The following DPP6 variants were observed in gnomAD, a reference collection of about 807,000 sequenced individuals.
DPP6 encodes the protein dipeptidyl peptidase like 6, also known as A-type potassium channel modulatory protein DPP6.
DPP6 carries 69 observed loss-of-function variants against 122.6 expected under a neutral mutation model. That is an observed-to-expected ratio of 0.56 (90% CI 0.46 to 0.69). DPP6 has a LOEUF of 0.69. Among genes scored for constraint, DPP6 ranks in the 30% least tolerant of loss-of-function variants. The pLI is 0.00. For missense variants in DPP6, 928 were observed against 1,116.9 expected (o/e 0.83, Z 2.41); for synonymous variants, 418 against 433.1 (o/e 0.97, Z 0.43).
intron 1 of DPP6, among the ~76,000 whole-genome samples, chr7:154,361,588 A>G (rs1407523748): frequency 7.0e-6 from 1 of 142,882 alleles, no homozygotes; most frequent in Non-Finnish European, 1.5e-5. Flanking sequence ...AGAAATCTTG[A>G]GAATAATTGC....
chr7:153,914,459 AG>A (rs1800221681), intron 1 of DPP6, among the ~76,000 whole-genome samples: 1 of 152,174 alleles, frequency 6.6e-6, no homozygotes, highest in African/African-American at 2.4e-5. Flanking sequence ...TCTCTTCAGT[AG>A]GAGCCCTTTT....
chr7:154,226,701 T>G (rs186935364), intron 1 of DPP6, among the ~76,000 whole-genome samples: 1 of 152,290 alleles, frequency 6.6e-6, no homozygotes, highest in East Asian at 1.9e-4. Context: ...AAATCCATAA[T>G]TAATGCTGTT....
At position 154,241,421 on chromosome 7, in the gene DPP6, G is replaced by A. The variant is rs28756870; in HGVS notation, c.243+188358G>A. On this transcript the variant is annotated intron_variant, in intron 1 of 25. Coordinates refer to ENST00000377770, the MANE Select transcript of DPP6 (RefSeq NM_130797.4). The surrounding 1 kb of genome is among the most constrained non-coding windows in gnomAD (Gnocchi z 9.0). ...CAGGTCATGGTGACTCACACCTGGC[G>A]TGGAGGTGAGCACCTGTAGTCCTGG... 0.12 allele frequency among the ~76,000 whole-genome samples: 18,015 copies of A among 151,978 alleles called. 1,474 individuals are homozygous for A. Among genetic ancestry groups the A allele is most frequent in the African/African-American group, 0.23 (9,544 of 41,414 alleles).
the DPP6 span, among the ~76,000 whole-genome samples, chr7:153,749,327 C>T: frequency 2.6e-5 from 4 of 152,092 alleles, no homozygotes; most frequent in South Asian, 4.1e-4. The surrounding 1 kb of genome is among the most constrained non-coding windows in gnomAD (Gnocchi z 4.1). Flanking sequence ...CCCATGATTG[C>T]GAGGCTTTCG....
At position 154,284,580 on chromosome 7, in the gene DPP6, C is replaced by T. The variant is rs551509803; in HGVS notation, c.244-161634C>T. ...TGAAAACACTATGCCAGAGACTGGG[C>T]GCGTTGGCTTACGCCCGTAATCCCA... is the stretch of plus-strand genomic sequence containing the variant. On this transcript the variant is annotated intron_variant, in intron 1 of 25. Coordinates refer to ENST00000377770, the MANE Select transcript of DPP6 (RefSeq NM_130797.4). Among the ~76,000 whole-genome samples, 12 of 152,330 alleles carry T rather than the reference C, an allele frequency of 7.9e-5. No homozygotes were observed. In the East Asian group the frequency reaches 1.3e-3, roughly 17 times the overall value.
chr7:154,393,720 G>A (rs769983555), intron 1 of DPP6, among the ~76,000 whole-genome samples: 11 of 151,950 alleles, frequency 7.2e-5, no homozygotes, highest in Non-Finnish European at 1.3e-4. Context: ...TAATAATGTT[G>A]TATGATGATT....
chr7:153,866,698 G>A, the DPP6 span, among the ~76,000 whole-genome samples: 1 of 152,106 alleles, frequency 6.6e-6, no homozygotes, highest in Non-Finnish European at 1.5e-5. Context: ...CATTGCTTTT[G>A]GTGTTTTAGA....
chr7:154,018,377 G>A (rs1798532796), intron 1 of DPP6, among the ~76,000 whole-genome samples: 1 of 152,120 alleles, frequency 6.6e-6, no homozygotes, highest in Admixed American at 6.5e-5. Context: ...GGGGATGAGA[G>A]TGGACACCGG....
rs534338789 is a variant in DPP6 at position 154,090,916 on chromosome 7, C to T, written c.243+37853C>T. Among the ~76,000 whole-genome samples the T allele has an allele frequency of 7.6e-4, 113 of 148,782 alleles. 1 individual carries two copies. Among genetic ancestry groups the T allele is most frequent in the South Asian group, 2.2e-3 (10 of 4,534 alleles). On this transcript the variant is annotated intron_variant, in intron 1 of 25. Coordinates refer to ENST00000377770, the MANE Select transcript of DPP6 (RefSeq NM_130797.4). ...CGGGCGGATCACAAAGTCAGGAGATCGAGACCATCCTGGCTAACACAGTGA... is the reference window on the plus strand; with the variant it reads ...CGGGCGGATCACAAAGTCAGGAGATTGAGACCATCCTGGCTAACACAGTGA...
intron 1 of DPP6, among the ~76,000 whole-genome samples, chr7:154,081,890 GA>G (rs1158973976): frequency 6.6e-6 from 1 of 152,168 alleles, no homozygotes; most frequent in Non-Finnish European, 1.5e-5. Context: ...GTATGTGACG[GA>G]AAATGGATGT....
intron 7 of DPP6, among the ~76,000 whole-genome samples, chr7:154,679,764 A>T (rs1839170798): frequency 1.3e-5 from 2 of 152,288 alleles, no homozygotes; most frequent in South Asian, 2.1e-4. Flanking sequence ...AAAAACATTC[A>T]TCATGGGCAC....
chr7:154,170,990 C>T (rs1481438470), intron 1 of DPP6, among the ~76,000 whole-genome samples: 1 of 152,178 alleles, frequency 6.6e-6, no homozygotes, highest in Admixed American at 6.5e-5. Context: ...GCCCTGGGCA[C>T]CTCACACTGC....
At chr7:154,609,393 C>A (rs938023078) in intron 5 of DPP6, among the ~76,000 whole-genome samples, 5 of 152,216 alleles carry the variant, frequency 3.3e-5, no homozygotes, top group African/African-American at 1.2e-4. Flanking sequence ...TGCAAGCTTA[C>A]AAGCGAGTTC....
intron 6 of DPP6, among the ~76,000 whole-genome samples, chr7:154,660,400 G>T (rs1297008163): frequency 6.6e-6 from 1 of 150,412 alleles, no homozygotes; most frequent in Non-Finnish European, 1.5e-5. Context: ...TGGCGTATTG[G>T]CCGTAGTGTT....
At chr7:154,682,240 T>G (rs1839324221) in intron 7 of DPP6, among the ~76,000 whole-genome samples, 1 of 152,244 alleles carries the variant, frequency 6.6e-6, no homozygotes, top group Non-Finnish European at 1.5e-5. Flanking sequence ...CTTAAAATGT[T>G]TGTTATGCTG....
Position 154,005,795 on chromosome 7 carries a change from C to T in DPP6, c.51+118061C>T, listed in dbSNP as rs1361193661. On this transcript the variant is annotated intron_variant, in intron 1 of 25. Coordinates refer to the DPP6 transcript ENST00000404039. ...AGTGGGTAGGGTTTTCTTGGACTCT[C>T]ACTTCACCTTCCGGTTGGACGAGCT... Among the ~76,000 whole-genome samples the T allele has an allele frequency of 5.3e-5, 8 of 151,594 alleles. No individual in the cohort carries two copies. The South Asian group carries it at 1.5e-3, about 28-fold the overall frequency.
intron 1 of DPP6, among the ~76,000 whole-genome samples, chr7:153,995,564 A>G (rs71530485): frequency 8.2e-6 from 1 of 121,950 alleles, no homozygotes; most frequent in Non-Finnish European, 1.6e-5. Flanking sequence ...AGTATGGCCC[A>G]GGTGAAAGAG....
At chr7:154,550,748 CTTT>C (rs35197365) in intron 4 of DPP6, among the ~76,000 whole-genome samples, 8,711 of 126,792 alleles carry the variant, frequency 0.069, 679 homozygotes, top group African/African-American at 0.22. Context: ...AATTTTAGTT[CTTT>C]TTTTTTTTTT....
At chr7:154,078,584 T>C (rs1803741632) in intron 1 of DPP6, among the ~76,000 whole-genome samples, 1 of 152,120 alleles carries the variant, frequency 6.6e-6, no homozygotes, top group African/African-American at 2.4e-5. Context: ...ACAAAGCACT[T>C]AGTGAAGGAA....
Sources: allele counts gnomAD v4.1 joint callset (sites outside exome capture counted in the v4.1 genomes callset), GRCh38; gene constraint gnomAD v4.1.1; non-coding constraint Gnocchi (gnomAD v3.1); transcripts MANE v1.5; gene names NCBI Gene and HGNC (gene_info 2026-07-23, HGNC 2026-07-21).